MYLK4: variants seen among roughly 807,000 people sequenced by gnomAD.
MYLK4 encodes the protein myosin light chain kinase family member 4, also known as caMLCK like.
MYLK4 carries 46 observed loss-of-function variants against 48.1 expected under a neutral mutation model. That is an observed-to-expected ratio of 0.96 (90% confidence interval 0.75 to 1.22). MYLK4 has a LOEUF of 1.22. Among genes scored for constraint, MYLK4 ranks in the 50% most tolerant of loss-of-function variants. MYLK4 has a pLI of 0.00. For missense variants in MYLK4, 451 were observed against 486.1 expected, an observed-to-expected ratio of 0.93 and a Z score of 0.68; for synonymous variants, 170 against 180.8, an observed-to-expected ratio of 0.94 and a Z score of 0.48.
At chr6:2,671,118 G>A (rs537203419) in intron 12 of MYLK4, among the ~76,000 whole-genome samples, 158 bp downstream of exon 12, 80 of 152,262 alleles carry the variant, frequency 5.3e-4, no homozygotes, top group Admixed American at 5.1e-3. Flanking sequence ...AAAGAGCAGA[G>A]GCAGGGTGCA....
At chr6:2,676,594 G>A (rs1761090838) in intron 10 of MYLK4, among the ~76,000 whole-genome samples, 1 of 152,168 alleles carries the variant, frequency 6.6e-6, no homozygotes, top group Non-Finnish European at 1.5e-5. Context: ...TGATAGTGGT[G>A]TTTGGCTTTT....
intron 2 of MYLK4, among the ~76,000 whole-genome samples, chr6:2,710,946 A>G (rs1038107164): frequency 6.6e-6 from 1 of 152,166 alleles, no homozygotes; most frequent in African/African-American, 2.4e-5. Flanking sequence ...CTTTTTTCAA[A>G]TCAGTGGTTT....
chr6:2,761,552 G>C, the MYLK4 span, among the ~76,000 whole-genome samples: 5 of 152,214 alleles, frequency 3.3e-5, no homozygotes, highest in Non-Finnish European at 7.3e-5. Flanking sequence ...GACCTACTGG[G>C]TGCCAGGCAC....
chr6:2,738,248 C>A (rs1466766990), intron 2 of MYLK4, among the ~76,000 whole-genome samples: 3 of 152,196 alleles, frequency 2.0e-5, no homozygotes, highest in African/African-American at 7.2e-5. Context: ...TACCCACCTT[C>A]CTGATCTATC....
chr6:2,670,104 G>T (rs1223152645), intron 12 of MYLK4, among the ~76,000 whole-genome samples: 1 of 152,174 alleles, frequency 6.6e-6, no homozygotes, highest in Non-Finnish European at 1.5e-5. Context: ...GGTGGCTCAC[G>T]CCTGTAATCC....
intron 1 of MYLK4, among the ~76,000 whole-genome samples, chr6:2,749,685 T>C (rs1432968559): frequency 6.6e-6 from 1 of 152,190 alleles, no homozygotes; most frequent in Non-Finnish European, 1.5e-5. Flanking sequence ...AAACAAGCCG[T>C]AGATCAAGTG....
chr6:2,669,929 T>C (rs1392320065), intron 12 of MYLK4, among the ~76,000 whole-genome samples: 2 of 152,232 alleles, frequency 1.3e-5, no homozygotes, highest in Non-Finnish European at 2.9e-5. Context: ...TTCCTAGCAC[T>C]GATGTGTGGC....
chr6:2,751,193 G>T (rs1764279216), upstream of MYLK4, among the ~76,000 whole-genome samples: 1 of 152,100 alleles, frequency 6.6e-6, no homozygotes, highest in African/African-American at 2.4e-5. Flanking sequence ...TGGACCTTCT[G>T]CCCCTTTCAG....
chr6:2,676,572 A>G (rs1761089842), intron 10 of MYLK4, among the ~76,000 whole-genome samples: 1 of 152,234 alleles, frequency 6.6e-6, no homozygotes, highest in Admixed American at 6.5e-5. Flanking sequence ...TGTACCCCAG[A>G]AATTTATTCT....
intron 2 of MYLK4, among the ~76,000 whole-genome samples, chr6:2,697,212 C>T (rs1033689458): frequency 3.3e-5 from 5 of 152,176 alleles, no homozygotes; most frequent in South Asian, 2.1e-4. Flanking sequence ...TAGATAACAC[C>T]GTGCTTCACA....
At position 2,685,597 on chromosome 6, in the gene MYLK4, C is replaced by T. The variant is rs889815161; in HGVS notation, c.342-21G>A. The T allele has an allele frequency of 1.8e-5, 29 of 1,612,224 alleles. No homozygotes were observed. The highest frequency in any genetic ancestry group is 9.3e-5 in the African/African-American group (7 of 74,888). On this transcript the variant is annotated intron_variant, in intron 4 of 12. Transcript: ENST00000274643. The surrounding 1 kb of genome is among the most constrained non-coding windows in gnomAD (Gnocchi z 4.5). ...GCCCTCTGCCAAAAAGAGGAAGCGGCGTAGCATGAGGCCCTGTGGTCAGCT... is the reference window on the plus strand; with the variant it reads ...GCCCTCTGCCAAAAAGAGGAAGCGGTGTAGCATGAGGCCCTGTGGTCAGCT...
intron 2 of MYLK4, among the ~76,000 whole-genome samples, chr6:2,704,222 T>C (rs558303604): frequency 1.3e-5 from 2 of 152,356 alleles, no homozygotes; most frequent in South Asian, 4.1e-4. Flanking sequence ...CTCAACCACC[T>C]GTATGAAGAT....
At position 2,665,648 on chromosome 6, in the gene MYLK4, A is replaced by C. The variant is rs777298327; in HGVS notation, c.*2277T>G. On this transcript the variant is annotated 3_prime_UTR_variant, in exon 13 of 13. Transcript: ENST00000274643. ...GACAGTTTATCTGCCAACCTGAGTC[A>C]GAAGGGAAGGTGGATGCAAATTGCA... 6.6e-6 allele frequency: 1 copy of C among 152,242 alleles called. No individual in the cohort carries two copies. The highest frequency in any genetic ancestry group is 2.4e-5 in the African/African-American group (1 of 41,462). The allele number at this position is 152,242 out of a possible 1,614,324, so 9.4% of individuals were successfully genotyped here.
chr6:2,768,610 C>CT, the MYLK4 span: 2 of 1,229,656 alleles, frequency 1.6e-6, no homozygotes, highest in African/African-American at 3.1e-5. Flanking sequence ...AATAGTGATG[C>CT]TGCGTGTGGT....
In MYLK4 at chr6:2,710,118, CT is replaced by C. The variant is rs563548348; in HGVS notation, c.160-17260del. ...AAAATATATTCTTAAAAATTAATAGCTTTTAAGTACTAATATAAACCTTCTC... is the reference window on the plus strand; with the variant it reads ...AAAATATATTCTTAAAAATTAATAGCTTTAAGTACTAATATAAACCTTCTC... On this transcript the variant is annotated intron_variant, in intron 2 of 12. Transcript: ENST00000274643. Among the ~76,000 whole-genome samples, 811 of 152,220 alleles carry C rather than the reference CT, an allele frequency of 5.3e-3. 9 individuals are homozygous for C. The highest frequency in any genetic ancestry group is 0.019 in the African/African-American group (773 of 41,532).
the MYLK4 span, chr6:2,766,438 C>T: frequency 4.2e-5 from 65 of 1,555,950 alleles, no homozygotes; most frequent in Non-Finnish European, 5.5e-5. Flanking sequence ...CGCCGGGCTG[C>T]GGCAAGGTGA....
rs1010076240 is a variant in MYLK4, at chr6:2,685,939, G to A, written c.342-363C>T. Among the ~76,000 whole-genome samples the A allele has an allele frequency of 3.3e-5, 5 of 152,078 alleles. No homozygotes were observed. Among genetic ancestry groups the A allele is most frequent in the Non-Finnish European group, 5.9e-5 (4 of 68,020 alleles). ...AAAAATTAGCCAGATGTGATGGCATGTGTCTGTAGTCCCAGCTACTCGGGA... is the reference window on the plus strand; with the variant it reads ...AAAAATTAGCCAGATGTGATGGCATATGTCTGTAGTCCCAGCTACTCGGGA... On this transcript the variant is annotated intron_variant, in intron 4 of 12. Transcript: ENST00000274643. This position sits in a 1 kb window ranked among gnomAD's most constrained non-coding sequence, Gnocchi z 4.5.
At chr6:2,728,754 CT>C (rs1303116172) in intron 2 of MYLK4, among the ~76,000 whole-genome samples, 3 of 152,232 alleles carry the variant, frequency 2.0e-5, no homozygotes, top group African/African-American at 7.2e-5. Context: ...ACATTTACAT[CT>C]GCTTTGACTT....
the MYLK4 span, among the ~76,000 whole-genome samples, chr6:2,766,878 CAAATT>C: frequency 2.0e-5 from 3 of 151,114 alleles, no homozygotes; most frequent in African/African-American, 7.3e-5. Context: ...TGAAAAAAAT[CAAATT>C]AATTCTGTTG....
Sources: gnomAD v4.1 joint callset for allele counts (sites outside exome capture counted in the v4.1 genomes callset) on GRCh38, gnomAD v4.1.1 for gene constraint, Gnocchi (gnomAD v3.1) non-coding constraint, MANE v1.5 for transcripts, NCBI Gene and HGNC (gene_info 2026-07-23, HGNC 2026-07-21) for gene names.